The following COL14A1 variants were observed in gnomAD, a reference collection of about 807,000 sequenced individuals.
The protein encoded by COL14A1 is collagen alpha-1(XIV) chain.
In COL14A1, 136 loss-of-function variants were observed where a neutral mutation model predicts 230.3. That is an observed-to-expected ratio of 0.59 (90% confidence interval 0.51 to 0.68). The LOEUF (loss-of-function observed/expected upper bound fraction) is 0.68. COL14A1 is among the 30% of genes least tolerant of loss of function. The pLI is 0.00. For synonymous variants in COL14A1, 792 were observed against 784.1 expected (o/e 1.01, Z -0.17); for missense variants, 1,976 against 2,215.8 (o/e 0.89, Z 2.17).
intron 5 of COL14A1, among the ~76,000 whole-genome samples, chr8:120,193,198 T>C (rs1816889842): frequency 6.6e-6 from 1 of 152,196 alleles, no homozygotes; most frequent in East Asian, 1.9e-4. Context: ...TGGTCTTTGA[T>C]GATGGTGATG....
intron 28 of COL14A1, among the ~76,000 whole-genome samples, chr8:120,278,988 A>G (rs1316702827): frequency 1.3e-5 from 2 of 152,132 alleles, no homozygotes; most frequent in African/African-American, 4.8e-5. Flanking sequence ...GAATGAGTTC[A>G]TGTCCTTTGC....
intron 44 of COL14A1, among the ~76,000 whole-genome samples, chr8:120,344,751 C>T (rs1223591521): frequency 6.6e-6 from 1 of 152,198 alleles, no homozygotes; most frequent in Non-Finnish European, 1.5e-5. Flanking sequence ...AATGAGACAT[C>T]ATGGTATCAA....
At position 120,243,928 on chromosome 8, in the gene COL14A1, C is replaced by T. The variant is rs1249442451; in HGVS notation, c.2399C>T (p.Pro800Leu). Reference protein sequence around the residue: ...QNNLLLKPLLPDTEYKVTVTP... With the variant: ...QNNLLLKPLLLDTEYKVTVTP... ...AACCTCCTTCTGAAGCCTCTGCTTC[C>T]TGATACTGAATACAAAGTCACAGTG... Residue 800 changes from proline to leucine, a missense_variant, in exon 20 of 48, where the codon CCT becomes CTT. Physicochemically the swap from Pro to Leu is moderately conservative, Grantham distance 98. Around this residue, in one of 3 missense-constraint regions of COL14A1, gnomAD observed 1,791 missense variants for 2,019.5 expected, o/e 0.89. Coordinates refer to ENST00000297848, the MANE Select transcript of COL14A1 (RefSeq NM_021110.4). 3.1e-6 allele frequency: 5 copies of T among 1,613,744 alleles called. No individual in the cohort carries two copies. The South Asian group carries it at 3.3e-5, about 11-fold the overall frequency.
rs536442412 is a variant in COL14A1 at position 120,255,758 on chromosome 8, G to A, written c.2869+402G>A. ...TGGGTATTCACTCTCTAGGGATCAAGTTTAAATTTAATGTTTTTCTTAGTG... is the reference window on the plus strand; with the variant it reads ...TGGGTATTCACTCTCTAGGGATCAAATTTAAATTTAATGTTTTTCTTAGTG... On this transcript the variant is annotated intron_variant, in intron 23 of 47. Transcript: ENST00000297848. Among the ~76,000 whole-genome samples the A allele has an allele frequency of 2.0e-5, 3 of 151,480 alleles. No individual in the cohort carries two copies. The Admixed American group carries it at 2.0e-4, about 10-fold the overall frequency.
intron 1 of COL14A1, among the ~76,000 whole-genome samples, chr8:120,132,146 C>T (rs1046896910): frequency 6.6e-6 from 1 of 151,964 alleles, no homozygotes; most frequent in Non-Finnish European, 1.5e-5. Context: ...CTGTGCCCAG[C>T]CGATATTTGC....
Position 120,231,526 on chromosome 8 carries a change from G to A in COL14A1, c.2257G>A (p.Val753Ile), listed in dbSNP as rs999109010. Residue 753 changes from valine to isoleucine, a missense_variant, in exon 19 of 48, where the codon GTA (valine) becomes ATA (isoleucine). Val to Ile is a conservative substitution (Grantham distance 29). Transcript: ENST00000297848. ...VGDETTSSLR[V>I]KWDISDSDVQ... ...TGATGAAACTACTTCTAGCCTGCGG[G>A]TAAAATGGGACATTTCTGACAGCGA... 1 of 1,614,072 alleles carries A rather than the reference G, an allele frequency of 6.2e-7. No individual in the cohort carries two copies. The highest frequency in any genetic ancestry group is 8.5e-7 in the Non-Finnish European group (1 of 1,179,986).
intron 39 of COL14A1, 145 bp from the exon 40 acceptor site, chr8:120,315,799 C>T (rs938621755): frequency 3.1e-5 from 28 of 904,838 alleles, no homozygotes; most frequent in African/African-American, 5.0e-5. Flanking sequence ...CCATGAATAA[C>T]TTCTAAGTCT....
chr8:120,264,221 T>C (rs193006129), intron 24 of COL14A1, among the ~76,000 whole-genome samples: 224 of 151,966 alleles, frequency 1.5e-3, no homozygotes, highest in African/African-American at 5.2e-3. Context: ...ATATGTAGTC[T>C]TTTACATCTG....
At chr8:120,210,710 G>A (rs1817592282) in intron 12 of COL14A1, among the ~76,000 whole-genome samples, 1 of 152,166 alleles carries the variant, frequency 6.6e-6, no homozygotes, top group African/African-American at 2.4e-5. Context: ...GACCAGGCAG[G>A]TGGAGTTAAT....
chr8:120,205,501 G>A (rs1288571690), intron 9 of COL14A1, among the ~76,000 whole-genome samples: 1 of 152,170 alleles, frequency 6.6e-6, no homozygotes, highest in East Asian at 1.9e-4. Context: ...GATTGTGCTT[G>A]CCTTATAGAG....
Position 120,274,234 on chromosome 8 carries a change from G to A in COL14A1, c.3214-3877G>A, listed in dbSNP as rs28801706. Among the ~76,000 whole-genome samples, 795 of 151,710 alleles carry A rather than the reference G, an allele frequency of 5.2e-3. 5 individuals are homozygous for A. Among genetic ancestry groups the A allele is most frequent in the African/African-American group, 0.018 (730 of 41,440 alleles). ...ACAGAATTAATAACAAAAACCATAT[G>A]TTCATCTCATAGATGCAGAAAGCAT... On this transcript the variant is annotated intron_variant, in intron 26 of 47. Transcript: ENST00000297848.
At chr8:120,282,726 G>A (rs537955311) in intron 31 of COL14A1, among the ~76,000 whole-genome samples, 12 of 152,214 alleles carry the variant, frequency 7.9e-5, no homozygotes, top group South Asian at 4.2e-4. Context: ...AAGTAAATGA[G>A]TAAAAGTAAC....
At chr8:120,158,094 T>G (rs933955124) in intron 2 of COL14A1, 36 bp from the exon 3 acceptor site, 1 of 1,138,544 alleles carries the variant, frequency 8.8e-7, no homozygotes, top group South Asian at 1.4e-5. Flanking sequence ...GCTTAAATGT[T>G]ACAATGTTTA....
intron 42 of COL14A1, among the ~76,000 whole-genome samples, chr8:120,339,907 A>G (rs13255609): frequency 0.52 from 78,742 of 151,758 alleles, 21,506 homozygotes; most frequent in African/African-American, 0.71. Context: ...ATGTGGTGGC[A>G]CGCACCTGTA....
chr8:120,309,986 A>T, intron 36 of COL14A1, 23 bp from the exon 37 acceptor site: 1 of 1,612,038 alleles, frequency 6.2e-7, no homozygotes, highest in African/African-American at 1.3e-5. Flanking sequence ...TCTTTGAGCT[A>T]ATACTTAACA....
chr8:120,213,872 G>C (rs1273386710), intron 13 of COL14A1: 2 of 355,324 alleles, frequency 5.6e-6, no homozygotes, highest in African/African-American at 4.4e-5. Context: ...GAAAAATTTA[G>C]AGCCAAATGT....
intron 45 of COL14A1, among the ~76,000 whole-genome samples, chr8:120,346,497 G>A (rs1414754557): frequency 1.3e-5 from 2 of 152,172 alleles, no homozygotes; most frequent in Non-Finnish European, 1.5e-5. Flanking sequence ...GGGATGGGTA[G>A]GATATATTCC....
rs576228787 is a variant in COL14A1, at chr8:120,162,883, G to A, written c.349+314G>A. Reference sequence around the variant, plus strand: ...CTTAGCATCTAGAGCTTCCCTTCTGGTACTATAACACCATATTGTAATTGC... The same window carrying A: ...CTTAGCATCTAGAGCTTCCCTTCTGATACTATAACACCATATTGTAATTGC... On this transcript the variant is annotated intron_variant, in intron 4 of 47. Coordinates refer to ENST00000297848, the MANE Select transcript of COL14A1 (RefSeq NM_021110.4). 2.4e-4 allele frequency among the ~76,000 whole-genome samples: 36 copies of A among 152,112 alleles called. No individual in the cohort carries two copies. In the South Asian group the frequency reaches 6.4e-3, roughly 27 times the overall value.
chr8:120,263,508 G>A (rs1819405225), intron 24 of COL14A1, among the ~76,000 whole-genome samples: 1 of 152,166 alleles, frequency 6.6e-6, no homozygotes, highest in South Asian at 2.1e-4. Context: ...TAAAGGGAAA[G>A]GCAAAGTATA....
Sources: gnomAD v4.1 joint callset for allele counts (sites outside exome capture counted in the v4.1 genomes callset) on GRCh38, gnomAD v4.1.1 for gene constraint, gnomAD v4.1.1 regional missense constraint, MANE v1.5 for transcripts, NCBI Gene and HGNC (gene_info 2026-07-23, HGNC 2026-07-21) for gene names.